RBFOX1: variants seen among roughly 807,000 people sequenced by gnomAD.
The protein encoded by RBFOX1 is RNA binding protein fox-1 homolog 1.
RBFOX1 carries 8 observed loss-of-function variants against 57.7 expected under a neutral mutation model. The observed-to-expected ratio is 0.14, with a 90% CI of 0.08 to 0.25. RBFOX1 has a LOEUF of 0.25. Ranked by LOEUF, RBFOX1 falls within the 10% of genes least tolerant of loss-of-function variation. The pLI is 1.00. For synonymous variants in RBFOX1, 326 were observed against 222.4 expected (o/e 1.47, Z -4.15); for missense variants, 611 against 548.5 (o/e 1.11, Z -1.14).
intron 3 of RBFOX1, among the ~76,000 whole-genome samples, chr16:5,847,878 A>T (rs1383671898): frequency 2.0e-5 from 3 of 151,666 alleles, no homozygotes; most frequent in Non-Finnish European, 4.4e-5. Context: ...AGTCATTAGC[A>T]TTGCCAACAG....
intron 2 of RBFOX1, among the ~76,000 whole-genome samples, chr16:6,583,125 TCTCCA>T (rs769299683): frequency 2.6e-5 from 4 of 152,018 alleles, no homozygotes; most frequent in Non-Finnish European, 5.9e-5. Context: ...GAGCCAGCAT[TCTCCA>T]CTCAGAAAGC....
intron 7 of RBFOX1, among the ~76,000 whole-genome samples, chr16:7,589,377 A>G (rs1417159550): frequency 1.3e-5 from 2 of 152,176 alleles, no homozygotes; most frequent in Non-Finnish European, 2.9e-5. Context: ...TGAAAGTACA[A>G]TGGTGATACT....
intron 1 of RBFOX1, chr16:5,365,782 C>T: frequency 2.0e-6 from 1 of 504,462 alleles, no homozygotes; most frequent in Admixed American, 2.0e-5. Context: ...CACCTAAGTG[C>T]ATGCTGCCAC....
intron 8 of RBFOX1, among the ~76,000 whole-genome samples, chr16:7,596,172 G>GTT (rs1267738626): frequency 5.2e-5 from 6 of 115,436 alleles, no homozygotes; most frequent in East Asian, 2.6e-4. Flanking sequence ...TAAACCTCTC[G>GTT]TTTTTTTTTT....
At chr16:7,602,797 A>G (rs2095104871) in intron 9 of RBFOX1, among the ~76,000 whole-genome samples, 1 of 152,208 alleles carries the variant, frequency 6.6e-6, no homozygotes, top group South Asian at 2.1e-4. Context: ...CTACTCATCA[A>G]CACACGGAAC....
intron 4 of RBFOX1, among the ~76,000 whole-genome samples, chr16:7,080,342 C>A (rs1200948352): frequency 1.3e-5 from 2 of 152,092 alleles, no homozygotes; most frequent in African/African-American, 4.8e-5. Flanking sequence ...CCTTGCCTAT[C>A]ATTCTGTACC....
chr16:6,544,838 A>G (rs1415116424), intron 2 of RBFOX1, among the ~76,000 whole-genome samples: 1 of 152,194 alleles, frequency 6.6e-6, no homozygotes, highest in African/African-American at 2.4e-5. Context: ...GACCAGTGAT[A>G]TTATGATGGG....
At chr16:6,632,065 A>C (rs1438214900) in intron 2 of RBFOX1, among the ~76,000 whole-genome samples, 1 of 152,142 alleles carries the variant, frequency 6.6e-6, no homozygotes, top group Non-Finnish European at 1.5e-5. Flanking sequence ...ATGTTTAGTA[A>C]GGATGTGCTG....
chr16:7,209,740 G>C (rs991073989), intron 4 of RBFOX1, among the ~76,000 whole-genome samples: 1 of 152,196 alleles, frequency 6.6e-6, no homozygotes, highest in East Asian at 1.9e-4. Context: ...TGTGGGGGCA[G>C]GAGTCTTGTC....
intron 1 of RBFOX1, among the ~76,000 whole-genome samples, chr16:6,112,519 C>T (rs759498909): frequency 1.7e-4 from 26 of 152,058 alleles, no homozygotes; most frequent in East Asian, 5.8e-4. Flanking sequence ...GGAGAAACCC[C>T]GTCTCTACTA....
chr16:7,669,263 C>G (rs2070549659), intron 13 of RBFOX1, among the ~76,000 whole-genome samples: 1 of 150,896 alleles, frequency 6.6e-6, no homozygotes, highest in Admixed American at 6.6e-5. Context: ...ACAAGCATTG[C>G]TTAACTGAAC....
intron 3 of RBFOX1, among the ~76,000 whole-genome samples, chr16:6,978,376 C>T (rs1254985012): frequency 6.6e-6 from 1 of 152,192 alleles, no homozygotes; most frequent in Non-Finnish European, 1.5e-5. Flanking sequence ...ATTACTCATA[C>T]AGACGTCATG....
intron 2 of RBFOX1, among the ~76,000 whole-genome samples, chr16:6,418,565 C>T (rs1024439736): frequency 1.4e-5 from 2 of 144,672 alleles, no homozygotes; most frequent in Admixed American, 6.9e-5. Flanking sequence ...GCTCAGTCAC[C>T]CAGGCTGGAG....
intron 3 of RBFOX1, among the ~76,000 whole-genome samples, chr16:6,939,747 A>G (rs974989282): frequency 1.3e-5 from 2 of 152,046 alleles, no homozygotes; most frequent in African/African-American, 2.4e-5. Context: ...CCTGGCCTCA[A>G]ATGATCAGCC....
At chr16:6,234,692 A>T (rs568374422) in intron 1 of RBFOX1, among the ~76,000 whole-genome samples, 2 of 152,294 alleles carry the variant, frequency 1.3e-5, no homozygotes, top group East Asian at 3.9e-4. Context: ...AAGGAAAACA[A>T]GGTTAGAAAT....
chr16:6,293,170 G>C (rs1191323761), intron 1 of RBFOX1, among the ~76,000 whole-genome samples: 1 of 152,022 alleles, frequency 6.6e-6, no homozygotes, highest in Non-Finnish European at 1.5e-5. Context: ...CTATTAAGTG[G>C]GTAATATTGT....
intron 4 of RBFOX1, among the ~76,000 whole-genome samples, chr16:7,349,098 G>A (rs150083945): frequency 2.6e-4 from 39 of 152,274 alleles, no homozygotes; most frequent in African/African-American, 9.4e-4. Context: ...TCATGACCAC[G>A]ATGGAGGTGT....
intron 1 of RBFOX1, among the ~76,000 whole-genome samples, chr16:5,449,527 C>G (rs759459767): frequency 6.6e-6 from 1 of 152,196 alleles, no homozygotes; most frequent in Non-Finnish European, 1.5e-5. Flanking sequence ...GGGTCACAGT[C>G]AGGATTTGAA....
intron 3 of RBFOX1, among the ~76,000 whole-genome samples, chr16:7,027,492 C>T (rs890291952): frequency 6.7e-6 from 1 of 149,562 alleles, no homozygotes; most frequent in Non-Finnish European, 1.5e-5. Context: ...CAGGCAGAGC[C>T]AGGATTCAAA....
Sources: gnomAD v4.1 joint callset for allele counts (sites outside exome capture counted in the v4.1 genomes callset) on GRCh38, gnomAD v4.1.1 for gene constraint, MANE v1.5 for transcripts, NCBI Gene and HGNC (gene_info 2026-07-23, HGNC 2026-07-21) for gene names.